Variants in CRYBG2 observed in about 807,000 individuals in gnomAD.
The protein encoded by CRYBG2 is crystallin beta-gamma domain containing 2, also known as beta/gamma crystallin domain-containing protein 2.
A neutral mutation model predicts 153.4 loss-of-function variants in CRYBG2; 106 were observed. The ratio of observed to expected loss-of-function variants is 0.69; its 90% CI spans 0.59 to 0.81. The LOEUF is 0.81. Among genes scored for constraint, CRYBG2 ranks in the 30% least tolerant of loss-of-function variants. The probability of loss-of-function intolerance (pLI) is 0.00; values close to 1 mark genes in which losing one functional copy is unlikely to be tolerated. For synonymous variants in CRYBG2, 851 were observed against 877.8 expected (o/e 0.97, Z 0.54); for missense variants, 1,996 against 2,112.0 (o/e 0.95, Z 1.08).
rs149341533 is a variant in CRYBG2 at position 26,329,585 on chromosome 1, T to C, written c.4315-712A>G. 4.7e-3 allele frequency among the ~76,000 whole-genome samples: 698 copies of C among 150,090 alleles called. 6 individuals carry two copies. The highest frequency in any genetic ancestry group is 0.016 in the African/African-American group (660 of 40,680). On this transcript the variant is annotated intron_variant, in intron 15 of 19. Transcript: ENST00000308182. Reference sequence around the variant, plus strand: ...GCCTCAACTTCCTGGGCTAAAGCAATCCTCCCACCTCAGCCTCCTGAGTAG... The same window carrying C: ...GCCTCAACTTCCTGGGCTAAAGCAACCCTCCCACCTCAGCCTCCTGAGTAG...
rs368898422 is a variant in CRYBG2, at chr1:26,337,640, C to T, written c.3542G>A (p.Arg1181His). The T allele has an allele frequency of 4.3e-5, 70 of 1,612,788 alleles. No homozygotes were observed. The African/African-American group carries it at 7.6e-4, about 18-fold the overall frequency. The change falls in exon 9 of 20, where the codon CGC becomes CAC. Residue 1181 changes from arginine to histidine, a missense_variant. Arg to His is a conservative substitution (Grantham distance 29). Transcript: ENST00000308182. ...GATGTCTCGGCTCACTTCCCAGCTG[C>T]GGCCCTGAAAGCCTGGGGCCTCATA... is the stretch of plus-strand genomic sequence containing the variant. The part of the protein sequence containing the change: ...VVYEAPGFQG[R>H]SWEVSRDIYN...
intron 1 of CRYBG2, among the ~76,000 whole-genome samples, chr1:26,353,777 C>T (rs1375033397): frequency 6.6e-6 from 1 of 152,168 alleles, no homozygotes; most frequent in Non-Finnish European, 1.5e-5. Context: ...AAGGCAACCC[C>T]CCTTCCTGCC....
intron 14 of CRYBG2, among the ~76,000 whole-genome samples, chr1:26,335,772 T>C (rs1465361384): frequency 6.6e-6 from 1 of 152,202 alleles, no homozygotes; most frequent in Non-Finnish European, 1.5e-5. Flanking sequence ...TAATGACTTG[T>C]AGCTACGTGG....
chr1:26,346,258 A>C lies in CRYBG2; in HGVS notation c.400T>G (p.Cys134Gly), dbSNP rs201896905. 8.4e-5 allele frequency: 133 copies of C among 1,585,984 alleles called. No homozygotes were observed. The highest frequency in any genetic ancestry group is 1.1e-4 in the Non-Finnish European group (126 of 1,171,914). The change falls in exon 2 of 20, where the codon TGT becomes GGT. Residue 134 changes from cysteine (C) to glycine (G), a missense_variant. Cys to Gly is a radical substitution (Grantham distance 159, BLOSUM62 -3). Transcript: ENST00000308182. This position sits in a 1 kb window ranked among gnomAD's most constrained non-coding sequence, Gnocchi z 4.9. The part of the protein sequence containing the change: ...SRQAPRTEPP[C>G]VGAMARTELL... The stretch of plus-strand genomic sequence containing the variant: ...TCAGTCCTGGCCATAGCTCCCACAC[A>C]TGGGGGCTCAGTCCTGGGAGCTTGG...
chr1:26,336,077 G>A lies in CRYBG2; in HGVS notation c.4184+18C>T. On this transcript the variant is annotated intron_variant, in intron 14 of 19. Coordinates refer to ENST00000308182, the MANE Select transcript of CRYBG2 (RefSeq NM_001039775.4). The surrounding 1 kb of genome is among the most constrained non-coding windows in gnomAD (Gnocchi z 4.9). ...TCTGCCCCAGCGCCCCCAGCCCTCC[G>A]CCCCTCCACGTTCTCACCTGCCGCC... 7.0e-7 allele frequency: 1 copy of A among 1,431,178 alleles called. No homozygotes were observed. The highest frequency in any genetic ancestry group is 2.6e-5 in the East Asian group (1 of 38,798). 88.7% of individuals were successfully genotyped at this position (1,431,178 alleles called of 1,614,324 possible). A position where few individuals can be genotyped will look rare whatever the true frequency, so the allele number is the denominator to read the frequency against.
chr1:26,336,617 G>A lies in CRYBG2; in HGVS notation c.4027C>T (p.Pro1343Ser), dbSNP rs1427239812. The A allele has an allele frequency of 1.9e-6, 3 of 1,550,008 alleles. No individual in the cohort carries two copies. Among genetic ancestry groups the A allele is most frequent in the Admixed American group, 2.0e-5 (1 of 50,982 alleles). The change falls in exon 12 of 20, where the codon CCG (proline) becomes TCG (serine). Residue 1343 changes from proline (P) to serine (S), a missense_variant. Pro to Ser is a moderately conservative substitution (Grantham distance 74). Coordinates refer to ENST00000308182, the MANE Select transcript of CRYBG2 (RefSeq NM_001039775.4). The surrounding 1 kb of genome is among the most constrained non-coding windows in gnomAD (Gnocchi z 4.9). ...CGGCCGGCACGCACCTGTAGGACCGGCTGCAGCGAGGCGAGGGTGCTGTTG... is the reference window on the plus strand; with the variant it reads ...CGGCCGGCACGCACCTGTAGGACCGACTGCAGCGAGGCGAGGGTGCTGTTG... ...AGNSTLASLQ[P>S]VLQVGEHDLH...
At position 26,342,806 on chromosome 1, in the gene CRYBG2, G is replaced by T. The variant is rs2074147808; in HGVS notation, c.3152C>A (p.Pro1051Gln). 6.2e-7 allele frequency: 1 copy of T among 1,613,966 alleles called. No individual in the cohort carries two copies. Among genetic ancestry groups the T allele is most frequent in the African/African-American group, 1.3e-5 (1 of 74,906 alleles). ...GCCTTGGGGACTCCACTTTGTCCCT[G>T]GGGTTCTGAGTTCCATGTCTCCTTC... ...LPEGDMELRT[P>Q]GTKWSPQGIG... Residue 1051 changes from proline to glutamine, a missense_variant, in exon 5 of 20, where the codon CCA becomes CAA. Physicochemically the swap from Pro to Gln is moderately conservative, Grantham distance 76. Transcript: ENST00000308182.
At chr1:26,331,464 C>T in intron 15 of CRYBG2, 25 bp downstream of exon 15, 1 of 1,600,800 alleles carries the variant, frequency 6.2e-7, no homozygotes, top group East Asian at 2.2e-5. Context: ...TCCGGGATTG[C>T]CTGGAACCAG....
At chr1:26,337,429 T>C (rs2074075453) in intron 9 of CRYBG2, 50 bp from the exon 10 acceptor site, 1 of 1,603,948 alleles carries the variant, frequency 6.2e-7, no homozygotes, top group Non-Finnish European at 8.5e-7. Flanking sequence ...AGGAGGCCCA[T>C]GGATGAATGA....
rs1349998202 is a variant in CRYBG2 at position 26,344,516 on chromosome 1, C to A, written c.2142G>T (p.Arg714Ser). The A allele has an allele frequency of 6.5e-7, 1 of 1,547,308 alleles. No individual in the cohort carries two copies. Residue 714 changes from arginine (R) to serine (S), a missense_variant, in exon 2 of 20, where the codon AGG becomes AGT. Physicochemically the swap from Arg to Ser is moderately radical, Grantham distance 110 (BLOSUM62 -1). Coordinates refer to ENST00000308182, the MANE Select transcript of CRYBG2 (RefSeq NM_001039775.4). ...GGGTGCCTCCTGGGCTGGGGGACAC[C>A]CTGTCCACTGAGGAAGATGGGGCAG... ...ALPAPSSSVD[R>S]VSPSPGGTPA...
chr1:26,350,104 T>G (rs2124061265), intron 1 of CRYBG2, among the ~76,000 whole-genome samples: 1 of 152,200 alleles, frequency 6.6e-6, no homozygotes, highest in Non-Finnish European at 1.5e-5. Flanking sequence ...TGTGAGCCAT[T>G]GTGCCTGACC....
intron 18 of CRYBG2, among the ~76,000 whole-genome samples, chr1:26,322,641 T>C (rs2073873173): frequency 6.6e-6 from 1 of 152,218 alleles, no homozygotes; most frequent in South Asian, 2.1e-4. Context: ...TGTGTGACTT[T>C]CAGCAAATTA....
Position 26,325,366 on chromosome 1 carries a change from T to C in CRYBG2, c.4579-1056A>G, listed in dbSNP as rs2073910973. On this transcript the variant is annotated intron_variant, in intron 17 of 19. Transcript: ENST00000308182. The surrounding 1 kb of genome is among the most constrained non-coding windows in gnomAD (Gnocchi z 4.1). ...TGAGGTCAGGAGTTCGAGGTCAGCCTGGCCAACATGGCAAAACCCTGTCTG... is the reference window on the plus strand; with the variant it reads ...TGAGGTCAGGAGTTCGAGGTCAGCCCGGCCAACATGGCAAAACCCTGTCTG... Among the ~76,000 whole-genome samples the C allele has an allele frequency of 6.6e-6, 1 of 152,184 alleles. No individual in the cohort carries two copies. The highest frequency in any genetic ancestry group is 2.4e-5 in the African/African-American group (1 of 41,444).
intron 8 of CRYBG2, 45 bp downstream of exon 8, chr1:26,337,967 C>A (rs774133622): frequency 3.7e-6 from 6 of 1,603,294 alleles, no homozygotes; most frequent in African/African-American, 1.3e-5. Flanking sequence ...ACACCTGCAC[C>A]CCGCCACCAA....
intron 1 of CRYBG2, among the ~76,000 whole-genome samples, chr1:26,348,104 G>A (rs1302244716): frequency 6.6e-6 from 1 of 152,292 alleles, no homozygotes; most frequent in Non-Finnish European, 1.5e-5. Flanking sequence ...CAAAATGCTC[G>A]CCTTATAACC....
At position 26,336,383 on chromosome 1, in the gene CRYBG2, A is replaced by G; in HGVS notation, c.4039-13T>C. ...CGTGCTCCCCGACCTGAAGGTAGGG[A>G]CCGAATCGAGAATTAGGGAGGGTGC... is the stretch of plus-strand genomic sequence containing the variant. On this transcript the variant is annotated splice_polypyrimidine_tract_variant and intron_variant, in intron 12 of 19. Coordinates refer to ENST00000308182, the MANE Select transcript of CRYBG2 (RefSeq NM_001039775.4). The surrounding 1 kb of genome is among the most constrained non-coding windows in gnomAD (Gnocchi z 4.9). The G allele has an allele frequency of 6.2e-7, 1 of 1,612,830 alleles. No individual in the cohort carries two copies. Among genetic ancestry groups the G allele is most frequent in the Non-Finnish European group, 8.5e-7 (1 of 1,179,436 alleles).
intron 5 of CRYBG2, among the ~76,000 whole-genome samples, chr1:26,341,993 C>T (rs1477096128): frequency 6.6e-6 from 1 of 152,180 alleles, no homozygotes; most frequent in African/African-American, 2.4e-5. Context: ...CCTAGCTTGA[C>T]TGTAAGTCCT....
rs935766326 is a variant in CRYBG2 at position 26,344,814 on chromosome 1, T to C, written c.1844A>G (p.Glu615Gly). The change falls in exon 2 of 20, where the codon GAG (glutamate) becomes GGG (glycine). Residue 615 changes from glutamate to glycine, a missense_variant. Coordinates refer to ENST00000308182, the MANE Select transcript of CRYBG2 (RefSeq NM_001039775.4). ...APAASSPTQK[E>G]VVQGSGAPAA... ...AGGAGCACCAGACCCCTGCACCACC[T>C]CCTTCTGGGTGGGAGATGAGGCAGC... 1.3e-6 allele frequency: 2 copies of C among 1,534,714 alleles called. No individual in the cohort carries two copies. The highest frequency in any genetic ancestry group is 1.7e-6 in the Non-Finnish European group (2 of 1,145,988).
At chr1:26,331,945 C>T (rs2074001291) in intron 14 of CRYBG2, among the ~76,000 whole-genome samples, 1 of 152,124 alleles carries the variant, frequency 6.6e-6, no homozygotes, top group African/African-American at 2.4e-5. Flanking sequence ...TTCATTATGG[C>T]ACTTCTGCAA....
Sources: gnomAD v4.1 joint callset for allele counts (sites outside exome capture counted in the v4.1 genomes callset) on GRCh38, gnomAD v4.1.1 for gene constraint, Gnocchi (gnomAD v3.1) non-coding constraint, MANE v1.5 for transcripts, NCBI Gene and HGNC (gene_info 2026-07-23, HGNC 2026-07-21) for gene names.